ADD3: variants seen among roughly 807,000 people sequenced by gnomAD.
ADD3 encodes the protein adducin 3, also known as gamma-adducin.
A neutral mutation model predicts 80.2 loss-of-function variants in ADD3; 25 were observed. The observed-to-expected ratio is 0.31, with a 90% confidence interval of 0.23 to 0.44. The LOEUF (loss-of-function observed/expected upper bound fraction) is 0.44. Ranked by LOEUF, ADD3 falls within the 20% of genes least tolerant of loss-of-function variation. The pLI, the probability that ADD3 is intolerant of heterozygous loss-of-function variation, is 1.00. For missense variants in ADD3, 829 were observed against 847.5 expected, an observed-to-expected ratio of 0.98 and a Z score of 0.27; for synonymous variants, 284 against 289.6, an observed-to-expected ratio of 0.98 and a Z score of 0.20.
intron 1 of ADD3, among the ~76,000 whole-genome samples, chr10:110,033,965 T>A (rs914799745): frequency 1.3e-5 from 2 of 152,214 alleles, no homozygotes; most frequent in African/African-American, 2.4e-5. Context: ...AAGGTTTATA[T>A]TGTACCTTAG....
At chr10:110,108,382 A>G (rs1372083667) in intron 2 of ADD3, among the ~76,000 whole-genome samples, 2 of 152,172 alleles carry the variant, frequency 1.3e-5, no homozygotes, top group African/African-American at 2.4e-5. Flanking sequence ...TAAAATTAGG[A>G]AAAGAACTTG....
intron 6 of ADD3, among the ~76,000 whole-genome samples, chr10:110,118,953 T>C (rs1255899707): frequency 1.2e-4 from 18 of 152,156 alleles, no homozygotes. Flanking sequence ...AGTTTGAAAA[T>C]TGGGTCATTG....
In ADD3 at chr10:110,046,185, G is replaced by A. The variant is rs140456930; in HGVS notation, c.-30+37886G>A. On this transcript the variant is annotated intron_variant, in intron 1 of 14. Transcript: ENST00000356080. ...TGCCACCATTTCAGACAAATGATTC[G>A]TCTTGTAAACAGATGACATAAATTT... is the stretch of plus-strand genomic sequence containing the variant. Among the ~76,000 whole-genome samples, 30 of 152,176 alleles carry A rather than the reference G, an allele frequency of 2.0e-4. 1 individual carries two copies. In the East Asian group the frequency reaches 5.6e-3, roughly 28 times the overall value.
chr10:110,000,234 T>A (rs1174926586), intron 1 of ADD3, among the ~76,000 whole-genome samples: 3 of 152,188 alleles, frequency 2.0e-5, no homozygotes, highest in East Asian at 1.9e-4. Context: ...AAGGTTTTTT[T>A]AAATAATCCT....
intron 1 of ADD3, among the ~76,000 whole-genome samples, chr10:110,098,138 A>T (rs1412308463): frequency 6.6e-6 from 1 of 152,122 alleles, no homozygotes; most frequent in Non-Finnish European, 1.5e-5. Context: ...TTGTACAATG[A>T]TCCTCAATTT....
intron 1 of ADD3, among the ~76,000 whole-genome samples, chr10:110,076,155 G>T (rs1845350981): frequency 6.6e-6 from 1 of 151,994 alleles, no homozygotes; most frequent in African/African-American, 2.4e-5. Flanking sequence ...TTAATTTTAT[G>T]ATTATAGGAA....
chr10:110,067,423 C>G (rs1844098996), intron 1 of ADD3, among the ~76,000 whole-genome samples: 1 of 152,156 alleles, frequency 6.6e-6, no homozygotes, highest in South Asian at 2.1e-4. Flanking sequence ...TTTCTTCCCT[C>G]CACCTCCCCT....
At chr10:110,031,166 C>T (rs1255808908) in intron 1 of ADD3, among the ~76,000 whole-genome samples, 3 of 152,080 alleles carry the variant, frequency 2.0e-5, no homozygotes, top group Non-Finnish European at 4.4e-5. Context: ...CCTAGCTACT[C>T]GGGAGACTGA....
Position 110,116,428 on chromosome 10 carries a change from C to G in ADD3, c.486+18C>G. Reference sequence around the variant, plus strand: ...ATATCTCAGTGAGTTCTTCAGCTTTCAATTCCTTTTTTAAAAAATTCCAGC... The same window carrying G: ...ATATCTCAGTGAGTTCTTCAGCTTTGAATTCCTTTTTTAAAAAATTCCAGC... On this transcript the variant is annotated intron_variant, in intron 4 of 14. Coordinates refer to ENST00000356080, the MANE Select transcript of ADD3 (RefSeq NM_016824.5). The G allele has an allele frequency of 6.2e-7, 1 of 1,611,082 alleles. No homozygotes were observed. Among genetic ancestry groups the G allele is most frequent in the Non-Finnish European group, 8.5e-7 (1 of 1,178,902 alleles).
intron 1 of ADD3, among the ~76,000 whole-genome samples, chr10:110,052,339 G>A (rs1289380856): frequency 4.6e-5 from 7 of 152,086 alleles, no homozygotes; most frequent in South Asian, 2.1e-4. Flanking sequence ...CCTGGGCCCC[G>A]GACCAGTACC....
At chr10:110,028,424 C>T (rs11194958) in intron 1 of ADD3, among the ~76,000 whole-genome samples, 20 of 152,140 alleles carry the variant, frequency 1.3e-4, no homozygotes, top group East Asian at 7.7e-4. Context: ...ATTAGCTGGG[C>T]GTGGTGGCGG....
chr10:110,091,348 T>C (rs1847481040), intron 1 of ADD3, among the ~76,000 whole-genome samples: 1 of 152,166 alleles, frequency 6.6e-6, no homozygotes, highest in East Asian at 1.9e-4. Context: ...GAACCTTTGG[T>C]AATCTGAGAC....
chr10:110,039,788 G>A (rs1856076228), intron 1 of ADD3, among the ~76,000 whole-genome samples: 1 of 152,170 alleles, frequency 6.6e-6, no homozygotes, highest in Admixed American at 6.5e-5. Flanking sequence ...CTTGACTGAG[G>A]CTAGAGAAGC....
intron 1 of ADD3, chr10:110,077,125 A>G (rs1218213569): frequency 2.0e-5 from 3 of 152,250 alleles, no homozygotes; most frequent in South Asian, 2.1e-4. Flanking sequence ...TTTTGTAAGT[A>G]ATGGATTGTC....
intron 1 of ADD3, among the ~76,000 whole-genome samples, chr10:110,086,671 G>A (rs1846803635): frequency 1.3e-5 from 2 of 152,148 alleles, no homozygotes; most frequent in African/African-American, 4.8e-5. Context: ...GCAAAGATGT[G>A]CTTGCTTCCC....
intron 1 of ADD3, among the ~76,000 whole-genome samples, chr10:110,062,475 G>C (rs897827567): frequency 2.2e-4 from 34 of 151,682 alleles, no homozygotes; most frequent in Non-Finnish European, 4.1e-4. Flanking sequence ...CCAGCTATTA[G>C]GTGGCTGAGG....
intron 1 of ADD3, among the ~76,000 whole-genome samples, chr10:110,008,949 G>C (rs1013607190): frequency 2.6e-5 from 4 of 152,128 alleles, no homozygotes; most frequent in Non-Finnish European, 5.9e-5. Flanking sequence ...GGTCTGGTGT[G>C]CTGGTGTTTG....
upstream of ADD3, among the ~76,000 whole-genome samples, chr10:110,001,757 T>C (rs1194602001): frequency 6.6e-6 from 1 of 152,204 alleles, no homozygotes; most frequent in African/African-American, 2.4e-5. Context: ...GCCTATGAAT[T>C]AGTATTTTAG....
In ADD3 at chr10:110,125,833, A is replaced by C; in HGVS notation, c.1409A>C (p.Lys470Thr). The C allele has an allele frequency of 2.5e-6, 4 of 1,588,340 alleles. No homozygotes were observed. Among genetic ancestry groups the C allele is most frequent in the Non-Finnish European group, 3.4e-6 (4 of 1,164,706 alleles). ...AAATTTTTGATTCTTTAGTGGATGA[A>C]AGCAGAAGACTCATCTAAAGTTAGT... is the stretch of plus-strand genomic sequence containing the variant. Reference protein sequence around the residue: ...TSPRTKITWMKAEDSSKVSGG... With the variant: ...TSPRTKITWMTAEDSSKVSGG... The change falls in exon 11 of 15, where the codon AAA becomes ACA. Residue 470 changes from lysine (K) to threonine (T), a missense_variant. Transcript: ENST00000356080.
Sources: allele counts gnomAD v4.1 joint callset (sites outside exome capture counted in the v4.1 genomes callset), GRCh38; gene constraint gnomAD v4.1.1; transcripts MANE v1.5; gene names NCBI Gene and HGNC (gene_info 2026-07-23, HGNC 2026-07-21).